Variants in TYW1 observed in about 807,000 individuals in gnomAD.
The protein encoded by TYW1 is S-adenosyl-L-methionine-dependent tRNA 4-demethylwyosine synthase TYW1.
A neutral mutation model predicts 96.2 loss-of-function variants in TYW1; 46 were observed. The observed-to-expected ratio is 0.48, with a 90% confidence interval of 0.38 to 0.61. The LOEUF is 0.61. Ranked by LOEUF, TYW1 falls within the 20% of genes least tolerant of loss-of-function variation. The pLI is 0.00. For synonymous variants in TYW1, 274 were observed against 323.0 expected, an observed-to-expected ratio of 0.85 and a Z score of 1.63; for missense variants, 684 against 909.6, an observed-to-expected ratio of 0.75 and a Z score of 3.19.
chr7:67,208,200 A>G (rs1343493874), intron 15 of TYW1, among the ~76,000 whole-genome samples: 1 of 151,792 alleles, frequency 6.6e-6, no homozygotes, highest in African/African-American at 2.4e-5. Context: ...GTGCCCATGT[A>G]GTCCCAACTA....
At chr7:67,069,320 C>G (rs1795963437) in intron 10 of TYW1, among the ~76,000 whole-genome samples, 2 of 152,180 alleles carry the variant, frequency 1.3e-5, no homozygotes, top group South Asian at 4.1e-4. Flanking sequence ...CTCTGTCCCT[C>G]CTCCTTTATG....
chr7:67,095,113 C>T (rs1796853846), intron 11 of TYW1, among the ~76,000 whole-genome samples: 1 of 151,968 alleles, frequency 6.6e-6, no homozygotes, highest in Non-Finnish European at 1.5e-5. Flanking sequence ...ATTCTTCTGC[C>T]TCAGCCTCCC....
chr7:67,074,113 A>G (rs1263384266), intron 10 of TYW1, among the ~76,000 whole-genome samples: 1 of 151,510 alleles, frequency 6.6e-6, no homozygotes, highest in Non-Finnish European at 1.5e-5. Context: ...CCAAAAAACC[A>G]CTTTTTAGGA....
chr7:67,159,237 A>AGATGG (rs1799080753), intron 13 of TYW1, among the ~76,000 whole-genome samples: 1 of 152,200 alleles, frequency 6.6e-6, no homozygotes, highest in Non-Finnish European at 1.5e-5. Context: ...CCCATCTACT[A>AGATGG]TTAAATAGCA....
chr7:67,210,776 A>ATCCATCCATCCATCCATCCATCCATCCC (rs1800982960), intron 15 of TYW1, among the ~76,000 whole-genome samples: 1 of 150,810 alleles, frequency 6.6e-6, no homozygotes, highest in Admixed American at 6.6e-5. Flanking sequence ...CCATCCATCC[A>ATCCATCCATCCATCCATCCATCCATCCC]TCCATCCGTC....
At chr7:67,048,669 A>G (rs1584500487) in intron 7 of TYW1, among the ~76,000 whole-genome samples, 1 of 152,348 alleles carries the variant, frequency 6.6e-6, no homozygotes, top group Non-Finnish European at 1.5e-5. Context: ...AACAGTAATC[A>G]AAGGTGTGCT....
At chr7:67,109,273 C>CA (rs1203625487) in intron 12 of TYW1, among the ~76,000 whole-genome samples, 5,227 of 48,272 alleles carry the variant, frequency 0.11, 314 homozygotes, top group Non-Finnish European at 0.13. Flanking sequence ...GACTCCGTCT[C>CA]AAAAAAAAAA....
intron 13 of TYW1, among the ~76,000 whole-genome samples, chr7:67,132,964 T>C (rs1798129685): frequency 6.6e-6 from 1 of 152,148 alleles, no homozygotes; most frequent in African/African-American, 2.4e-5. Context: ...ATAATTTCTT[T>C]CGGAACTAAC....
intron 13 of TYW1, among the ~76,000 whole-genome samples, chr7:67,181,677 G>GT (rs34858909): frequency 0.28 from 42,594 of 151,514 alleles, 6,489 homozygotes; most frequent in African/African-American, 0.4. Flanking sequence ...CAGCCTGAGT[G>GT]TTACCTGGGC....
At chr7:67,205,216 T>TC (rs912744858) in intron 15 of TYW1, among the ~76,000 whole-genome samples, 1 of 152,048 alleles carries the variant, frequency 6.6e-6, no homozygotes, top group Non-Finnish European at 1.5e-5. Flanking sequence ...AAAGTCCATT[T>TC]CCCCCCTCAG....
chr7:67,070,243 T>C (rs1795992235), intron 10 of TYW1, among the ~76,000 whole-genome samples: 1 of 152,216 alleles, frequency 6.6e-6, no homozygotes, highest in Non-Finnish European at 1.5e-5. Flanking sequence ...TTAGAGTATG[T>C]TGAGCTTCTT....
At chr7:67,237,377 G>A (rs1418918756) in intron 15 of TYW1, among the ~76,000 whole-genome samples, 1 of 152,008 alleles carries the variant, frequency 6.6e-6, no homozygotes, top group Non-Finnish European at 1.5e-5. Flanking sequence ...GCAGGAGCCA[G>A]TAGTCCCAGC....
chr7:67,065,530 G>A (rs1171211055), intron 9 of TYW1, among the ~76,000 whole-genome samples: 1 of 152,096 alleles, frequency 6.6e-6, no homozygotes, highest in African/African-American at 2.4e-5. Flanking sequence ...AGATTTGAAT[G>A]TTTTGTTTGC....
intron 7 of TYW1, among the ~76,000 whole-genome samples, chr7:67,036,337 G>A (rs1794841360): frequency 6.6e-6 from 1 of 152,040 alleles, no homozygotes; most frequent in African/African-American, 2.4e-5. Flanking sequence ...ACGTTCCATA[G>A]CGCTCCTCTA....
At chr7:67,020,037 T>G (rs1794190919) in intron 6 of TYW1, among the ~76,000 whole-genome samples, 1 of 152,262 alleles carries the variant, frequency 6.6e-6, no homozygotes, top group Non-Finnish European at 1.5e-5. Context: ...TGCAATGAAA[T>G]TGGAATGAAA....
intron 2 of TYW1, 102 bp from the exon 3 acceptor site, chr7:66,998,715 G>A (rs1394952020): frequency 7.5e-7 from 1 of 1,341,298 alleles, no homozygotes. Context: ...GTCAGATTAA[G>A]AGAAAAATAA....
chr7:67,111,992 C>T (rs551716705), intron 12 of TYW1, among the ~76,000 whole-genome samples: 64 of 149,982 alleles, frequency 4.3e-4, no homozygotes, highest in African/African-American at 1.4e-3. Context: ...CCAGCTACTC[C>T]GGAGGCTGAG....
At chr7:67,014,685 C>T (rs574114916) in intron 5 of TYW1, 124 bp downstream of exon 5, 7 of 1,173,368 alleles carry the variant, frequency 6.0e-6, no homozygotes, top group Non-Finnish European at 5.8e-6. Context: ...GTGAAATAAT[C>T]CACAAACTTT....
chr7:67,238,406 C>T lies in TYW1; in HGVS notation c.2076C>T (p.Ser692=), dbSNP rs528956127. 8.7e-6 allele frequency: 14 copies of T among 1,613,744 alleles called. No individual in the cohort carries two copies. Among genetic ancestry groups the T allele is most frequent in the East Asian group, 4.5e-5 (2 of 44,868 alleles). Reference sequence around the variant, plus strand: ...ATAGTGGTGGATCAAAAACGTTCAGCGCAAAGGATTATATGGCCAGAACTC... The same window carrying T: ...ATAGTGGTGGATCAAAAACGTTCAGTGCAAAGGATTATATGGCCAGAACTC... ...YEDSGGSKTF[S]AKDYMARTPH... The change falls in exon 16 of 16, where the codon AGC becomes AGT. Residue 692 remains serine, a synonymous_variant. Transcript: ENST00000359626.
Sources: allele counts gnomAD v4.1 joint callset (sites outside exome capture counted in the v4.1 genomes callset), GRCh38; gene constraint gnomAD v4.1.1; transcripts MANE v1.5; gene names NCBI Gene and HGNC (gene_info 2026-07-23, HGNC 2026-07-21).